Variants in UNC13C observed in about 807,000 individuals in gnomAD.
UNC13C encodes the protein unc-13 homolog C.
A neutral mutation model predicts 245.4 loss-of-function variants in UNC13C; 174 were observed. That is an observed-to-expected ratio of 0.71 (90% CI 0.63 to 0.80). The LOEUF (loss-of-function observed/expected upper bound fraction) is 0.80, where lower values mean the gene tolerates loss of function less well. Among genes scored for constraint, UNC13C ranks in the 30% least tolerant of loss-of-function variants. UNC13C has a pLI of 0.00. For synonymous variants in UNC13C, 992 were observed against 895.1 expected (o/e 1.11, Z -1.93); for missense variants, 2,829 against 2,602.9 (o/e 1.09, Z -1.89).
chr15:54,269,049 T>TTTTTG lies in UNC13C; in HGVS notation c.3818+3557_3818+3558insGTTTT, dbSNP rs1555441243. On this transcript the variant is annotated intron_variant, in intron 10 of 32. Coordinates refer to ENST00000260323, the MANE Select transcript of UNC13C (RefSeq NM_001080534.3). Reference sequence around the variant, plus strand: ...ACCTTGGTTTCTTTTTTTTTTTAATTTTTTATTTTATTTTATTATTATTAT... The same window carrying TTTTTG: ...ACCTTGGTTTCTTTTTTTTTTTAATTTTTTGTTTTATTTTATTTTATTATTATTAT... 4.8e-4 allele frequency among the ~76,000 whole-genome samples: 72 copies of TTTTTG among 151,182 alleles called. 1 individual carries two copies. The highest frequency in any genetic ancestry group is 1.6e-3 in the African/African-American group (66 of 41,346).
chr15:53,944,590 T>C, the UNC13C span, among the ~76,000 whole-genome samples: 3 of 152,228 alleles, frequency 2.0e-5, no homozygotes, highest in African/African-American at 7.2e-5. Flanking sequence ...GGACATGATA[T>C]CATTCTTTTT....
intron 4 of UNC13C, among the ~76,000 whole-genome samples, chr15:54,209,125 A>G (rs751168185): frequency 2.0e-5 from 3 of 152,086 alleles, no homozygotes; most frequent in Non-Finnish European, 2.9e-5. Context: ...CTCCCACTCT[A>G]CTGTGAATGT....
chr15:54,368,548 G>A (rs751655337), intron 17 of UNC13C, among the ~76,000 whole-genome samples: 1 of 151,742 alleles, frequency 6.6e-6, no homozygotes, highest in African/African-American at 2.4e-5. Flanking sequence ...ATGAGCCCCC[G>A]AGAAACCAAT....
At chr15:54,056,925 C>T (rs953792705) in intron 2 of UNC13C, among the ~76,000 whole-genome samples, 1 of 152,120 alleles carries the variant, frequency 6.6e-6, no homozygotes, top group Admixed American at 6.5e-5. Context: ...GATTTCGTCA[C>T]CACCAGGCCT....
At chr15:54,567,199 G>C (rs1260380819) in intron 29 of UNC13C, among the ~76,000 whole-genome samples, 1 of 143,014 alleles carries the variant, frequency 7.0e-6, no homozygotes, top group Non-Finnish European at 1.6e-5. Context: ...TTTTGAGTTT[G>C]GTTGAATAAA....
At chr15:54,204,131 T>G (rs967786024) in intron 4 of UNC13C, among the ~76,000 whole-genome samples, 3 of 151,406 alleles carry the variant, frequency 2.0e-5, no homozygotes, top group Admixed American at 6.6e-5. Context: ...ACACTGAACT[T>G]TGGGGACTCG....
intron 19 of UNC13C, among the ~76,000 whole-genome samples, chr15:54,426,380 C>T (rs2040760375): frequency 6.7e-6 from 1 of 149,622 alleles, no homozygotes; most frequent in Admixed American, 6.8e-5. Context: ...GATGGCCTCA[C>T]TTCTTCCTTG....
intron 18 of UNC13C, among the ~76,000 whole-genome samples, chr15:54,412,593 A>G (rs1486897698): frequency 6.6e-6 from 1 of 152,196 alleles, no homozygotes; most frequent in Admixed American, 6.5e-5. Context: ...TGAATTTCCA[A>G]TAGTTCATTG....
chr15:53,848,788 A>C, the UNC13C span, among the ~76,000 whole-genome samples: 1 of 152,100 alleles, frequency 6.6e-6, no homozygotes, highest in African/African-American at 2.4e-5. Context: ...CTGTGTTTAC[A>C]TCTTTTACTT....
chr15:54,146,324 G>C (rs897491495), intron 4 of UNC13C, among the ~76,000 whole-genome samples: 2 of 152,138 alleles, frequency 1.3e-5, no homozygotes, highest in African/African-American at 4.8e-5. Flanking sequence ...TCCCCAATCA[G>C]TTGAGAGCCA....
chr15:54,598,145 C>T (rs186172236), intron 30 of UNC13C, among the ~76,000 whole-genome samples: 89 of 152,266 alleles, frequency 5.8e-4, no homozygotes, highest in African/African-American at 1.6e-3. Flanking sequence ...TTGTCGCCCA[C>T]GCTGGAATAC....
intron 4 of UNC13C, among the ~76,000 whole-genome samples, chr15:54,225,006 C>G (rs1026240808): frequency 2.7e-5 from 4 of 149,432 alleles, no homozygotes; most frequent in African/African-American, 9.9e-5. Context: ...CCCTTTTCAC[C>G]TCTGGTTTTA....
At chr15:54,351,794 A>C (rs1359257352) in intron 17 of UNC13C, among the ~76,000 whole-genome samples, 1 of 152,132 alleles carries the variant, frequency 6.6e-6, no homozygotes, top group Non-Finnish European at 1.5e-5. Context: ...ATGTGAATCA[A>C]AACCATAAGA....
At chr15:54,571,812 A>T (rs1897768455) in intron 30 of UNC13C, among the ~76,000 whole-genome samples, 1 of 152,100 alleles carries the variant, frequency 6.6e-6, no homozygotes, top group Non-Finnish European at 1.5e-5. Flanking sequence ...AAATACAGGA[A>T]GTTGGTGGGT....
intron 1 of UNC13C, among the ~76,000 whole-genome samples, chr15:53,988,359 T>G (rs1300930749): frequency 6.6e-6 from 1 of 151,964 alleles, no homozygotes; most frequent in Non-Finnish European, 1.5e-5. Flanking sequence ...TTATTATTGG[T>G]CAGGGAGAAT....
chr15:54,529,611 A>G (rs1274036508), intron 25 of UNC13C, among the ~76,000 whole-genome samples: 8 of 152,176 alleles, frequency 5.3e-5, no homozygotes, highest in African/African-American at 1.9e-4. Flanking sequence ...AAATGTGTAT[A>G]CTTTATTTAA....
At chr15:54,242,121 G>A (rs1268368245) in intron 7 of UNC13C, among the ~76,000 whole-genome samples, 1 of 152,060 alleles carries the variant, frequency 6.6e-6, no homozygotes, top group Non-Finnish European at 1.5e-5. Context: ...ATGTTTTTCT[G>A]TGTTCTTGAA....
At chr15:54,432,632 C>T (rs572504737) in intron 19 of UNC13C, among the ~76,000 whole-genome samples, 55 of 151,930 alleles carry the variant, frequency 3.6e-4, no homozygotes, top group African/African-American at 1.3e-3. Context: ...CACTAAATGC[C>T]CACATCAGAA....
At chr15:53,863,824 A>G in the UNC13C span, among the ~76,000 whole-genome samples, 3 of 152,064 alleles carry the variant, frequency 2.0e-5, no homozygotes, top group Non-Finnish European at 2.9e-5. Context: ...TCCAGCATCG[A>G]CTTCTCTTTG....
Sources: allele counts gnomAD v4.1 joint callset (sites outside exome capture counted in the v4.1 genomes callset), GRCh38; gene constraint gnomAD v4.1.1; transcripts MANE v1.5; gene names NCBI Gene and HGNC (gene_info 2026-07-23, HGNC 2026-07-21).